Variants in NKAIN3 observed in about 807,000 individuals in gnomAD.
The protein encoded by NKAIN3 is sodium/potassium-transporting ATPase subunit beta-1-interacting protein 3.
A neutral mutation model predicts 30.2 loss-of-function variants in NKAIN3; 25 were observed. The ratio of observed to expected loss-of-function variants is 0.83; its 90% confidence interval spans 0.60 to 1.16. The LOEUF is 1.16. Ranked by LOEUF, NKAIN3 falls within the 50% of genes most tolerant of loss-of-function variation. The pLI, the probability that NKAIN3 is intolerant of heterozygous loss-of-function variation, is 0.00. For missense variants in NKAIN3, 225 were observed against 254.1 expected (o/e 0.89, Z 0.78); for synonymous variants, 91 against 89.6 (o/e 1.02, Z -0.09).
At chr8:62,723,576 G>C (rs1362656871) in intron 3 of NKAIN3, among the ~76,000 whole-genome samples, 1 of 152,088 alleles carries the variant, frequency 6.6e-6, no homozygotes, top group African/African-American at 2.4e-5. Context: ...AAAACTCATA[G>C]ATTACTAATG....
At position 62,866,890 on chromosome 8, in the gene NKAIN3, C is replaced by CA. The variant is rs59832626; in HGVS notation, c.472-51548dup. On this transcript the variant is annotated intron_variant, in intron 4 of 6. Coordinates refer to ENST00000623646, the MANE Select transcript of NKAIN3 (RefSeq NM_001304533.3). Reference sequence around the variant, plus strand: ...TGAAACCCCGTCTCTACTAAAAATACAAAAAAAAAAAAAAATTGGCCGGGC... The same window carrying CA: ...TGAAACCCCGTCTCTACTAAAAATACAAAAAAAAAAAAAAAATTGGCCGGGC... 8.9e-3 allele frequency among the ~76,000 whole-genome samples: 1,119 copies of CA among 125,882 alleles called. 12 individuals carry two copies. The highest frequency in any genetic ancestry group is 0.011 in the Non-Finnish European group (669 of 61,498). 82.6% of individuals were successfully genotyped at this position (125,882 alleles called of 152,430 possible).
chr8:62,651,127 A>AG (rs1330266689), intron 3 of NKAIN3, among the ~76,000 whole-genome samples: 1 of 151,946 alleles, frequency 6.6e-6, no homozygotes, highest in Non-Finnish European at 1.5e-5. Flanking sequence ...AAAAAAAAAA[A>AG]CTTCTTCGAA....
chr8:62,425,543 T>C (rs926617979), intron 1 of NKAIN3, among the ~76,000 whole-genome samples: 1 of 151,892 alleles, frequency 6.6e-6, no homozygotes, highest in Non-Finnish European at 1.5e-5. Flanking sequence ...TTATAGACTT[T>C]GGGTTAAATA....
intron 1 of NKAIN3, among the ~76,000 whole-genome samples, chr8:62,466,311 T>C (rs986092281): frequency 6.6e-6 from 1 of 152,206 alleles, no homozygotes; most frequent in Non-Finnish European, 1.5e-5. Flanking sequence ...AGTATCTACC[T>C]TTCTTTCCAA....
At chr8:62,466,695 T>A (rs1411523628) in intron 1 of NKAIN3, among the ~76,000 whole-genome samples, 1 of 152,226 alleles carries the variant, frequency 6.6e-6, no homozygotes, top group African/African-American at 2.4e-5. Flanking sequence ...CTTGTTGCCA[T>A]AGCACATGGT....
chr8:62,538,806 C>T (rs932130735), intron 1 of NKAIN3, among the ~76,000 whole-genome samples: 3 of 152,160 alleles, frequency 2.0e-5, no homozygotes, highest in African/African-American at 4.8e-5. Flanking sequence ...ACCTTGAATC[C>T]TAGTAGATGA....
At chr8:62,426,215 G>A (rs1276950969) in intron 1 of NKAIN3, among the ~76,000 whole-genome samples, 2 of 151,852 alleles carry the variant, frequency 1.3e-5, no homozygotes, top group East Asian at 1.9e-4. Flanking sequence ...TGACAACAGT[G>A]ACTTAATTAC....
chr8:62,703,652 TC>T (rs1814419529), intron 3 of NKAIN3, among the ~76,000 whole-genome samples: 1 of 152,218 alleles, frequency 6.6e-6, no homozygotes, highest in South Asian at 2.1e-4. Context: ...CCTGGGGATT[TC>T]CTGTCTCCCT....
intron 5 of NKAIN3, among the ~76,000 whole-genome samples, chr8:62,992,226 G>A (rs908492462): frequency 6.6e-6 from 1 of 151,694 alleles, no homozygotes; most frequent in Non-Finnish European, 1.5e-5. Flanking sequence ...TGGCCAGACT[G>A]GTCTCAAACT....
intron 1 of NKAIN3, among the ~76,000 whole-genome samples, chr8:62,542,928 A>G (rs1808890551): frequency 6.6e-6 from 1 of 152,188 alleles, no homozygotes; most frequent in Admixed American, 6.5e-5. Context: ...CTGGCTACCT[A>G]AAAAGGCAGA....
downstream of NKAIN3, among the ~76,000 whole-genome samples, chr8:62,986,515 C>T (rs531700316): frequency 5.1e-4 from 77 of 152,240 alleles, no homozygotes; most frequent in African/African-American, 1.7e-3. Flanking sequence ...GGTGCCCTCC[C>T]TACCAAAGTG....
intron 3 of NKAIN3, among the ~76,000 whole-genome samples, chr8:62,651,844 G>T (rs372862483): frequency 6.6e-6 from 1 of 151,980 alleles, no homozygotes; most frequent in East Asian, 1.9e-4. Context: ...CTCCTCCCTT[G>T]CTCCCCTTCT....
chr8:62,498,648 G>A (rs1383947433), intron 1 of NKAIN3, among the ~76,000 whole-genome samples: 2 of 151,912 alleles, frequency 1.3e-5, no homozygotes. Context: ...CATGGCAGAG[G>A]TACTGAATAC....
chr8:62,614,757 C>T (rs1187183080), intron 3 of NKAIN3, among the ~76,000 whole-genome samples: 2 of 152,130 alleles, frequency 1.3e-5, no homozygotes, highest in Admixed American at 6.5e-5. Context: ...TTTCCAAAGG[C>T]AGAGGGGCTT....
rs138131201 is a variant in NKAIN3 at position 62,965,432 on chromosome 8, G to A, written c.*25G>A. On this transcript the variant is annotated 3_prime_UTR_variant, in exon 7 of 7. Coordinates refer to ENST00000623646, the MANE Select transcript of NKAIN3 (RefSeq NM_001304533.3). ...GGGAGCAAAGGACCATTGACTGCGC[G>A]CCTCGGTGGATCCGACCCGCCTGAC... The A allele has an allele frequency of 8.5e-4, 840 of 985,690 alleles. 6 individuals are homozygous for A. In the African/African-American group the frequency reaches 0.014, roughly 16 times the overall value. The allele number at this position is 985,690 out of a possible 1,614,324, so 61.1% of individuals were successfully genotyped here.
intron 4 of NKAIN3, among the ~76,000 whole-genome samples, chr8:62,868,748 G>C (rs1008113527): frequency 1.3e-5 from 2 of 152,184 alleles, no homozygotes; most frequent in African/African-American, 4.8e-5. Flanking sequence ...GATAAGCTCA[G>C]TTTCTAAACA....
At chr8:62,508,816 C>G (rs988770523) in intron 1 of NKAIN3, among the ~76,000 whole-genome samples, 1 of 150,510 alleles carries the variant, frequency 6.6e-6, no homozygotes, top group Non-Finnish European at 1.5e-5. Context: ...AACATAAATA[C>G]AGAAACATAC....
chr8:62,333,457 G>A (rs1815423470), intron 1 of NKAIN3, among the ~76,000 whole-genome samples: 1 of 152,068 alleles, frequency 6.6e-6, no homozygotes, highest in African/African-American at 2.4e-5. Context: ...TTGTGTAGGT[G>A]TACCAGGGGC....
intron 4 of NKAIN3, among the ~76,000 whole-genome samples, chr8:62,830,762 C>T (rs1482073866): frequency 6.6e-6 from 1 of 152,116 alleles, no homozygotes; most frequent in South Asian, 2.1e-4. Flanking sequence ...AGGAGTTTAC[C>T]TCCCCACCAC....
Sources: gnomAD v4.1 joint callset for allele counts (sites outside exome capture counted in the v4.1 genomes callset) on GRCh38, gnomAD v4.1.1 for gene constraint, MANE v1.5 for transcripts, NCBI Gene and HGNC (gene_info 2026-07-23, HGNC 2026-07-21) for gene names.